Variants in EPG5 observed in about 807,000 individuals in gnomAD.
EPG5 encodes ectopic P granules protein 5 homolog.
In EPG5, 159 loss-of-function variants were observed where a neutral mutation model predicts 302.7. That is an observed-to-expected ratio of 0.53 (90% CI 0.46 to 0.60). The LOEUF (loss-of-function observed/expected upper bound fraction) is 0.60. EPG5 is among the 20% of genes least tolerant of loss of function. EPG5 has a pLI of 0.00. For missense variants in EPG5, 2,896 were observed against 3,092.4 expected, an observed-to-expected ratio of 0.94 and a Z score of 1.51; for synonymous variants, 1,158 against 1,136.8, an observed-to-expected ratio of 1.02 and a Z score of -0.37.
At chr18:45,866,120 T>C (rs950584543) in intron 38 of EPG5, among the ~76,000 whole-genome samples, 2 of 138,208 alleles carry the variant, frequency 1.4e-5, no homozygotes, top group Admixed American at 1.5e-4. Flanking sequence ...AAGGTACTAT[T>C]TCTTTTTTTT....
chr18:45,936,923 C>T (rs574519629), intron 10 of EPG5, among the ~76,000 whole-genome samples: 2 of 152,008 alleles, frequency 1.3e-5, no homozygotes, highest in South Asian at 4.2e-4. Flanking sequence ...TAGTGCATGC[C>T]TAATCCACAT....
chr18:45,912,710 A>G (rs1372019308), intron 21 of EPG5, among the ~76,000 whole-genome samples: 3 of 152,224 alleles, frequency 2.0e-5, no homozygotes, highest in African/African-American at 7.2e-5. Flanking sequence ...GGGTCTTAAG[A>G]GTCATCTAGT....
intron 18 of EPG5, 88 bp from the exon 19 acceptor site, chr18:45,916,294 C>A (rs1324003529): frequency 1.3e-6 from 2 of 1,517,558 alleles, no homozygotes; most frequent in African/African-American, 2.8e-5. Context: ...ACCTCCACTA[C>A]AAATCCCAAA....
Position 45,871,262 on chromosome 18 carries a change from C to T in EPG5, c.6050-520G>A, listed in dbSNP as rs138362105. On this transcript the variant is annotated intron_variant, in intron 35 of 43. Coordinates refer to ENST00000282041, the MANE Select transcript of EPG5 (RefSeq NM_020964.3). ...GCACAGCTGTTAGGATAGCTGTTAT[C>T]GAAAAGATGAACGATAACAAGTGTT... Among the ~76,000 whole-genome samples the T allele has an allele frequency of 5.9e-5, 9 of 152,204 alleles. No individual in the cohort carries two copies. In the East Asian group the frequency reaches 1.3e-3, roughly 23 times the overall value.
At chr18:45,828,727 C>T in the EPG5 span, among the ~76,000 whole-genome samples, 30 of 152,316 alleles carry the variant, frequency 2.0e-4, no homozygotes, top group Admixed American at 1.8e-3. Flanking sequence ...CCACCTCTCC[C>T]GCACCCTCCT....
the EPG5 span, among the ~76,000 whole-genome samples, chr18:45,822,877 C>T: frequency 6.6e-6 from 1 of 152,166 alleles, no homozygotes; most frequent in East Asian, 1.9e-4. Flanking sequence ...TTCATGCCTT[C>T]CGGGACTATT....
intron 9 of EPG5, among the ~76,000 whole-genome samples, chr18:45,942,551 C>T (rs780383372): frequency 2.0e-5 from 3 of 152,016 alleles, no homozygotes; most frequent in Non-Finnish European, 2.9e-5. Flanking sequence ...TGCAGTGAGA[C>T]GAGATCGTGC....
intron 5 of EPG5, among the ~76,000 whole-genome samples, chr18:45,949,129 T>G (rs1299803520): frequency 6.6e-6 from 1 of 152,206 alleles, no homozygotes; most frequent in African/African-American, 2.4e-5. Context: ...GGCTTCTGTT[T>G]GACCTGTACC....
chr18:45,960,405 T>C (rs959881628), intron 1 of EPG5, among the ~76,000 whole-genome samples: 1 of 152,186 alleles, frequency 6.6e-6, no homozygotes. Context: ...TCCCTAGTAG[T>C]TGAAAGTACA....
the EPG5 span, among the ~76,000 whole-genome samples, chr18:45,840,033 CCTCA>C: frequency 6.6e-6 from 1 of 152,156 alleles, no homozygotes; most frequent in Non-Finnish European, 1.5e-5. Flanking sequence ...CCACCCCTCT[CCTCA>C]CTAACTCCCC....
At position 45,955,153 on chromosome 18, in the gene EPG5, T is replaced by G. The variant is rs759140772; in HGVS notation, c.249A>C (p.Val83=). Residue 83 remains valine, a synonymous_variant, in exon 2 of 44, where the codon GTA becomes GTC. Coordinates refer to ENST00000282041, the MANE Select transcript of EPG5 (RefSeq NM_020964.3). The part of the protein sequence containing the change: ...SGQNESEMFD[V]PLTSLTISNE... ...TGCTTATAGTTAAGGAGGTGAGTGG[T>G]ACATCAAACATTTCACTCTCATTTT... 1.2e-6 allele frequency: 2 copies of G among 1,614,100 alleles called. No homozygotes were observed. Among genetic ancestry groups the G allele is most frequent in the Non-Finnish European group, 8.5e-7 (1 of 1,180,006 alleles).
the EPG5 span, chr18:45,837,416 T>A: frequency 7.2e-7 from 1 of 1,379,920 alleles, no homozygotes; most frequent in East Asian, 2.8e-5. Context: ...GGCTAGGGGT[T>A]GGGGGAGCGT....
chr18:45,924,575 T>A (rs1242606549), intron 14 of EPG5, among the ~76,000 whole-genome samples: 1 of 152,242 alleles, frequency 6.6e-6, no homozygotes, highest in African/African-American at 2.4e-5. Context: ...AATCTTCTTA[T>A]GGAAGAGCTA....
rs752752046 is a variant in EPG5 at position 45,852,507 on chromosome 18, C to G, written c.7700G>C (p.Cys2567Ser). Residue 2567 changes from cysteine (C) to serine (S), a missense_variant, in exon 44 of 44, where the codon TGT becomes TCT. By Grantham distance (112) the Cys-to-Ser change is moderately radical. Coordinates refer to ENST00000282041, the MANE Select transcript of EPG5 (RefSeq NM_020964.3). ...GKSFLALLVNCLYPEVHYLDH... is the reference protein window; with the variant it reads ...GKSFLALLVNSLYPEVHYLDH... ...CAAATAATGCACTTCTGGATACAGA[C>G]AGTTAACGAGAAGAGCCAAGAAGCT... The G allele has an allele frequency of 1.2e-6, 2 of 1,614,200 alleles. No individual in the cohort carries two copies. The highest frequency in any genetic ancestry group is 1.1e-5 in the South Asian group (1 of 91,084).
chr18:45,838,615 C>G, the EPG5 span: 3 of 1,398,954 alleles, frequency 2.1e-6, no homozygotes, highest in African/African-American at 4.5e-5. Flanking sequence ...CACCCAAGTG[C>G]CCATTCCTCC....
rs141858370 is a variant in EPG5 at position 45,911,482 on chromosome 18, C to T, written c.3984-740G>A. Among the ~76,000 whole-genome samples, 150 of 151,782 alleles carry T rather than the reference C, an allele frequency of 9.9e-4. 4 individuals are homozygous for T. The East Asian group carries it at 0.025, about 25-fold the overall frequency. ...TTTGTATTTTTTTTTTTAGTAGAGA[C>T]GGGGTTTCACCATGTTAGCCAGGAT... On this transcript the variant is annotated intron_variant, in intron 22 of 43. Transcript: ENST00000282041.
At chr18:45,925,696 A>G in intron 14 of EPG5, 42 bp downstream of exon 14, 1 of 1,391,260 alleles carries the variant, frequency 7.2e-7, no homozygotes, top group Non-Finnish European at 9.4e-7. Context: ...AAACAGATGC[A>G]TGTACAACCT....
the EPG5 span, among the ~76,000 whole-genome samples, chr18:45,813,837 A>T: frequency 6.6e-6 from 1 of 152,142 alleles, no homozygotes; most frequent in Non-Finnish European, 1.5e-5. Context: ...TGGGTGCAGC[A>T]CACCAACATG....
intron 1 of EPG5, 39 bp from the exon 2 acceptor site, chr18:45,955,377 ATAAT>A: frequency 7.5e-7 from 1 of 1,339,732 alleles, no homozygotes. Flanking sequence ...ATTTATCACA[ATAAT>A]TAATGCTTTC....
Sources: allele counts gnomAD v4.1 joint callset (sites outside exome capture counted in the v4.1 genomes callset), GRCh38; gene constraint gnomAD v4.1.1; transcripts MANE v1.5; gene names NCBI Gene and HGNC (gene_info 2026-07-23, HGNC 2026-07-21).